EBF1: variants seen among roughly 807,000 people sequenced by gnomAD.
The protein encoded by EBF1 is transcription factor COE1.
Under a neutral mutation model 68.4 loss-of-function variants are expected in EBF1, and 10 were observed. The observed-to-expected ratio is 0.15, with a 90% CI of 0.09 to 0.25. EBF1 has a LOEUF of 0.25. Ranked by LOEUF, EBF1 falls within the 10% of genes least tolerant of loss-of-function variation. The pLI is 1.00. For missense variants in EBF1, 509 were observed against 794.4 expected (o/e 0.64, Z 4.32); for synonymous variants, 298 against 299.8 (o/e 0.99, Z 0.06).
chr5:158,703,316 C>A (rs1757155812), intron 15 of EBF1, among the ~76,000 whole-genome samples: 1 of 152,200 alleles, frequency 6.6e-6, no homozygotes, highest in African/African-American at 2.4e-5. Flanking sequence ...GGTATCTCTG[C>A]ATTTTTCTCT....
chr5:158,791,963 A>T (rs1445067598), intron 9 of EBF1, among the ~76,000 whole-genome samples: 1 of 152,138 alleles, frequency 6.6e-6, no homozygotes, highest in African/African-American at 2.4e-5. Context: ...AATTGGAGGA[A>T]TTCAGAGGAG....
At chr5:158,956,988 G>T (rs1385917770) in intron 6 of EBF1, among the ~76,000 whole-genome samples, 1 of 152,102 alleles carries the variant, frequency 6.6e-6, no homozygotes, top group Non-Finnish European at 1.5e-5. Flanking sequence ...TCGATCTCCT[G>T]ACCCTGTGAT....
chr5:158,790,179 C>G (rs976143674), intron 9 of EBF1, among the ~76,000 whole-genome samples: 1 of 152,184 alleles, frequency 6.6e-6, no homozygotes, highest in Non-Finnish European at 1.5e-5. Context: ...CTTCATCCAT[C>G]TGAGCTAAGT....
In EBF1 at chr5:158,943,331, TACACACAC is replaced by T. The variant is rs59821779; in HGVS notation, c.555-103229_555-103222del. ...CTTCATTTAGCAAGTGTTTATTGGA[TACACACAC>T]ACACACACACACACACACACATTCC... On this transcript the variant is annotated intron_variant, in intron 6 of 15. Transcript: ENST00000313708. Among the ~76,000 whole-genome samples the T allele has an allele frequency of 5.7e-4, 85 of 149,424 alleles. 1 individual carries two copies. Among genetic ancestry groups the T allele is most frequent in the Middle Eastern group, 3.5e-3 (1 of 288 alleles).
intron 6 of EBF1, among the ~76,000 whole-genome samples, chr5:158,877,816 T>C (rs1250072721): frequency 6.6e-6 from 1 of 152,106 alleles, no homozygotes; most frequent in Non-Finnish European, 1.5e-5. Flanking sequence ...GGCTTCCTTT[T>C]CCAATAATGG....
chr5:158,778,099 A>G (rs1775676537), intron 9 of EBF1, among the ~76,000 whole-genome samples: 1 of 152,112 alleles, frequency 6.6e-6, no homozygotes, highest in Non-Finnish European at 1.5e-5. Flanking sequence ...TTATGGATCT[A>G]GCAGAACTAA....
At chr5:159,086,727 C>A (rs1780700243) in intron 4 of EBF1, among the ~76,000 whole-genome samples, 1 of 152,014 alleles carries the variant, frequency 6.6e-6, no homozygotes, top group Non-Finnish European at 1.5e-5. Context: ...GATCATGAGC[C>A]AGGTTTCCCC....
chr5:158,885,919 G>T (rs750143471), intron 6 of EBF1, among the ~76,000 whole-genome samples: 1 of 152,194 alleles, frequency 6.6e-6, no homozygotes, highest in Non-Finnish European at 1.5e-5. Flanking sequence ...CAAAGTACCT[G>T]TTGAAATTGC....
At chr5:158,711,323 A>AAGTT (rs1491203295) in intron 14 of EBF1, among the ~76,000 whole-genome samples, 4 of 152,062 alleles carry the variant, frequency 2.6e-5, no homozygotes, top group African/African-American at 9.7e-5. Context: ...GAAGGGAGAG[A>AAGTT]AGTTAGGTTT....
At chr5:159,068,377 GGA>G (rs1777200242) in intron 6 of EBF1, among the ~76,000 whole-genome samples, 2 of 134,342 alleles carry the variant, frequency 1.5e-5, no homozygotes, top group Non-Finnish European at 3.0e-5. Flanking sequence ...GTGGGTGGAT[GGA>G]TGGATGGATG....
chr5:158,697,525 A>G lies in EBF1; in HGVS notation c.*1586T>C. The G allele has an allele frequency of 4.8e-6, 1 of 209,870 alleles. No homozygotes were observed. The highest frequency in any genetic ancestry group is 9.7e-6 in the Non-Finnish European group (1 of 103,120). 13.0% of individuals were successfully genotyped at this position (209,870 alleles called of 1,614,324 possible). On this transcript the variant is annotated 3_prime_UTR_variant, in exon 16 of 16. Transcript: ENST00000313708. ...ATTGGGGGTGGAAGGAAGAGGAAGAAGGGAAAAGCAATGTACAAATTCGAA... is the reference window on the plus strand; with the variant it reads ...ATTGGGGGTGGAAGGAAGAGGAAGAGGGGAAAAGCAATGTACAAATTCGAA...
chr5:158,821,222 C>T (rs34706403), intron 8 of EBF1, among the ~76,000 whole-genome samples: 11,860 of 152,114 alleles, frequency 0.078, 514 homozygotes, highest in South Asian at 0.11. Context: ...AAAGCTAAAG[C>T]GATTTGTCCA....
intron 8 of EBF1, among the ~76,000 whole-genome samples, chr5:158,809,984 G>A (rs1782341240): frequency 6.6e-6 from 1 of 152,062 alleles, no homozygotes; most frequent in Non-Finnish European, 1.5e-5. Context: ...CTTTTAAACA[G>A]CAAAGATTGG....
chr5:158,755,599 C>T (rs1769900026), intron 10 of EBF1, among the ~76,000 whole-genome samples: 1 of 152,136 alleles, frequency 6.6e-6, no homozygotes, highest in Admixed American at 6.5e-5. Context: ...TTGGGATTAA[C>T]TAGCTGAAGG....
intron 11 of EBF1, among the ~76,000 whole-genome samples, chr5:158,722,019 C>A (rs1455678517): frequency 2.6e-5 from 4 of 151,932 alleles, no homozygotes; most frequent in African/African-American, 9.7e-5. Context: ...GTGTCTGCAC[C>A]CTTGTTGACT....
At chr5:158,939,042 A>G (rs955525221) in intron 6 of EBF1, among the ~76,000 whole-genome samples, 1 of 152,220 alleles carries the variant, frequency 6.6e-6, no homozygotes, top group Non-Finnish European at 1.5e-5. Context: ...AGCTGTGTCC[A>G]TATTATTTTC....
chr5:159,099,632 G>A lies in EBF1; in HGVS notation c.-154C>T, dbSNP rs1723275439. On this transcript the variant is annotated 5_prime_UTR_variant, in exon 1 of 16. Transcript: ENST00000313708. ...GATGAACTCGCACTTAGAAGATCAA[G>A]GCGGGCTGGAAAGCAAATTTTTAAA... 4.5e-6 allele frequency: 5 copies of A among 1,100,072 alleles called. No homozygotes were observed. The South Asian group carries it at 1.1e-4, about 23-fold the overall frequency. The allele number at this position is 1,100,072 out of a possible 1,614,324, so 68.1% of individuals were successfully genotyped here.
intron 8 of EBF1, among the ~76,000 whole-genome samples, chr5:158,816,649 A>G (rs1055037595): frequency 6.6e-6 from 1 of 152,180 alleles, no homozygotes; most frequent in Non-Finnish European, 1.5e-5. Flanking sequence ...GGTAATATAC[A>G]TTTTAATGGG....
intron 6 of EBF1, among the ~76,000 whole-genome samples, chr5:158,846,037 C>T (rs148850086): frequency 1.3e-4 from 20 of 152,302 alleles, no homozygotes; most frequent in African/African-American, 4.1e-4. Context: ...TCAAGGCACA[C>T]CTAAACTGAG....
Sources: gnomAD v4.1 joint callset for allele counts (sites outside exome capture counted in the v4.1 genomes callset) on GRCh38, gnomAD v4.1.1 for gene constraint, MANE v1.5 for transcripts, NCBI Gene and HGNC (gene_info 2026-07-23, HGNC 2026-07-21) for gene names.